NCAM1: variants seen among roughly 807,000 people sequenced by gnomAD.
NCAM1 encodes the protein antigen recognized by monoclonal antibody 5.1H11.
In NCAM1, 14 loss-of-function variants were observed where a neutral mutation model predicts 109.8. The ratio of observed to expected loss-of-function variants is 0.13; its 90% CI spans 0.08 to 0.20. The LOEUF is 0.20. Among genes scored for constraint, NCAM1 ranks in the 10% least tolerant of loss-of-function variants. NCAM1 has a pLI of 1.00. For synonymous variants in NCAM1, 418 were observed against 442.9 expected (o/e 0.94, Z 0.70); for missense variants, 774 against 1,109.9 (o/e 0.70, Z 4.30).
At chr11:113,247,298 A>G (rs1055780996) in intron 15 of NCAM1, among the ~76,000 whole-genome samples, 7 of 152,158 alleles carry the variant, frequency 4.6e-5, no homozygotes, top group African/African-American at 1.4e-4. Context: ...TTTGCTTCCA[A>G]TCACAGCCTG....
rs568773462 is a variant in NCAM1, at chr11:113,243,069, A to C, written c.1826-3299A>C. 88 of 815,958 alleles carry C rather than the reference A, an allele frequency of 1.1e-4. No homozygotes were observed. The African/African-American group carries it at 1.6e-3, about 15-fold the overall frequency. The allele number at this position is 815,958 out of a possible 1,614,324, so 50.5% of individuals were successfully genotyped here. Reference sequence around the variant, plus strand: ...GAACGGGGTTGATTATTGGAAGAATACTCCGTGCATGAGGAGGCTTTTCCA... The same window carrying C: ...GAACGGGGTTGATTATTGGAAGAATCCTCCGTGCATGAGGAGGCTTTTCCA... On this transcript the variant is annotated intron_variant, in intron 14 of 19. Coordinates refer to ENST00000316851, the MANE Select transcript of NCAM1 (RefSeq NM_181351.5).
At chr11:113,143,183 AT>A (rs11295314) in intron 1 of NCAM1, among the ~76,000 whole-genome samples, 8,703 of 152,194 alleles carry the variant, frequency 0.057, 483 homozygotes, top group African/African-American at 0.14. Context: ...TGTATTATGT[AT>A]TTTTTTCCCC....
At chr11:113,000,996 A>G (rs782194498) in intron 1 of NCAM1, among the ~76,000 whole-genome samples, 7 of 152,052 alleles carry the variant, frequency 4.6e-5, no homozygotes, top group African/African-American at 1.4e-4. Flanking sequence ...CATGTCTTCA[A>G]TGTAAATTTG....
chr11:113,262,905 A>T (rs782468245), intron 17 of NCAM1: 1 of 1,613,664 alleles, frequency 6.2e-7, no homozygotes, highest in Non-Finnish European at 8.5e-7. Flanking sequence ...CTCTGCAGTG[A>T]CTCTTCTTTT....
intron 1 of NCAM1, among the ~76,000 whole-genome samples, chr11:113,142,247 A>C (rs1253809023): frequency 6.6e-6 from 1 of 152,168 alleles, no homozygotes; most frequent in Non-Finnish European, 1.5e-5. Flanking sequence ...TGAGACACGG[A>C]AGGGTAAATT....
At chr11:113,164,767 G>A (rs1451223123) in intron 1 of NCAM1, among the ~76,000 whole-genome samples, 1 of 152,072 alleles carries the variant, frequency 6.6e-6, no homozygotes, top group Non-Finnish European at 1.5e-5. Flanking sequence ...TCTGAACCCT[G>A]CACTTCAGAG....
intron 1 of NCAM1, among the ~76,000 whole-genome samples, chr11:112,969,022 T>C (rs1950803062): frequency 6.6e-6 from 1 of 152,136 alleles, no homozygotes; most frequent in African/African-American, 2.4e-5. Context: ...AGACATACTA[T>C]ACTTATAAAC....
chr11:113,001,973 G>A (rs901078918), intron 1 of NCAM1, among the ~76,000 whole-genome samples: 3 of 152,136 alleles, frequency 2.0e-5, no homozygotes, highest in Admixed American at 6.5e-5. Context: ...AGAGCAACCC[G>A]CAATTCTAGA....
chr11:112,976,688 G>A (rs1311578706), intron 1 of NCAM1, among the ~76,000 whole-genome samples: 3 of 151,938 alleles, frequency 2.0e-5, no homozygotes, highest in Admixed American at 6.6e-5. Context: ...ATGTATCTTG[G>A]GATTTGGGAC....
chr11:113,154,675 G>T (rs1199772991), intron 1 of NCAM1, among the ~76,000 whole-genome samples: 1 of 152,138 alleles, frequency 6.6e-6, no homozygotes, highest in Non-Finnish European at 1.5e-5. Context: ...AAACGTTTTA[G>T]TTGAGACTGA....
At chr11:113,172,307 A>G (rs1181639909) in intron 1 of NCAM1, among the ~76,000 whole-genome samples, 1 of 152,210 alleles carries the variant, frequency 6.6e-6, no homozygotes, top group Non-Finnish European at 1.5e-5. Context: ...AGGAGCTGCC[A>G]TCAAAACCAT....
At chr11:113,165,782 C>T (rs1359433757) in intron 1 of NCAM1, among the ~76,000 whole-genome samples, 2 of 150,936 alleles carry the variant, frequency 1.3e-5, no homozygotes, top group East Asian at 2.0e-4. Context: ...TCGCCTGGTC[C>T]GGTTTCTCTT....
At chr11:113,243,265 G>C (rs576362372) in intron 14 of NCAM1, among the ~76,000 whole-genome samples, 1 of 152,308 alleles carries the variant, frequency 6.6e-6, no homozygotes, top group East Asian at 1.9e-4. Flanking sequence ...GAAGGAATAG[G>C]AGAAAATGGC....
intron 8 of NCAM1, among the ~76,000 whole-genome samples, chr11:113,218,052 C>A (rs1944580941): frequency 6.6e-6 from 1 of 152,186 alleles, no homozygotes; most frequent in South Asian, 2.1e-4. Context: ...GGCACTTCAA[C>A]CCATGTGTAT....
chr11:113,176,905 A>T (rs1426068621), intron 1 of NCAM1, among the ~76,000 whole-genome samples: 1 of 152,200 alleles, frequency 6.6e-6, no homozygotes, highest in Admixed American at 6.5e-5. Context: ...ACTTCTTATG[A>T]GGACTGCATC....
intron 1 of NCAM1, among the ~76,000 whole-genome samples, chr11:113,106,899 T>TG (rs1940198432): frequency 6.6e-6 from 1 of 152,244 alleles, no homozygotes; most frequent in South Asian, 2.1e-4. Context: ...TTATGTGGTG[T>TG]GGACTAAGAC....
intron 1 of NCAM1, among the ~76,000 whole-genome samples, chr11:113,064,256 C>A (rs1471524177): frequency 2.6e-5 from 4 of 152,110 alleles, no homozygotes; most frequent in African/African-American, 9.7e-5. Flanking sequence ...CGTTAATATC[C>A]CTTGAAATGG....
intron 1 of NCAM1, among the ~76,000 whole-genome samples, chr11:113,186,941 C>T (rs1227144735): frequency 6.6e-6 from 1 of 152,234 alleles, no homozygotes; most frequent in Non-Finnish European, 1.5e-5. Context: ...ACATGAGTGA[C>T]ACTCACTAAT....
At chr11:113,225,690 G>A (rs186924465) in intron 9 of NCAM1, among the ~76,000 whole-genome samples, 5 of 152,206 alleles carry the variant, frequency 3.3e-5, no homozygotes, top group East Asian at 3.8e-4. Context: ...GACAAAGGTC[G>A]GGTTACCCAC....
Sources: gnomAD v4.1 joint callset for allele counts (sites outside exome capture counted in the v4.1 genomes callset) on GRCh38, gnomAD v4.1.1 for gene constraint, MANE v1.5 for transcripts, NCBI Gene and HGNC (gene_info 2026-07-23, HGNC 2026-07-21) for gene names.